The following NALCN variants were observed in gnomAD, a reference collection of about 807,000 sequenced individuals.
NALCN encodes the protein sodium leak channel NALCN.
A neutral mutation model predicts 225.3 loss-of-function variants in NALCN; 111 were observed. The observed-to-expected ratio is 0.49, with a 90% CI of 0.42 to 0.58. The LOEUF (loss-of-function observed/expected upper bound fraction) is 0.58, where lower values mean the gene tolerates loss of function less well. Ranked by LOEUF, NALCN falls within the 20% of genes least tolerant of loss-of-function variation. The probability of loss-of-function intolerance (pLI) is 0.00; values close to 1 mark genes in which losing one functional copy is unlikely to be tolerated. For missense variants in NALCN, 1,378 were observed against 2,202.4 expected (o/e 0.63, Z 7.49); for synonymous variants, 764 against 769.0 (o/e 0.99, Z 0.11).
At chr13:101,062,234 G>T in intron 40 of NALCN, 116 bp from the exon 41 acceptor site, 1 of 1,080,166 alleles carries the variant, frequency 9.3e-7, no homozygotes, top group Non-Finnish European at 1.3e-6. Context: ...GTGTTTTGAC[G>T]CCACCCCTCG....
intron 27 of NALCN, among the ~76,000 whole-genome samples, 168 bp from the exon 28 acceptor site, chr13:101,095,848 G>A (rs2034473609): frequency 6.6e-6 from 1 of 152,148 alleles, no homozygotes; most frequent in Non-Finnish European, 1.5e-5. Context: ...TTTGGAGACA[G>A]GCAGTTAAAA....
At chr13:101,381,320 A>G (rs1269953631) in intron 3 of NALCN, among the ~76,000 whole-genome samples, 1 of 152,176 alleles carries the variant, frequency 6.6e-6, no homozygotes, top group African/African-American at 2.4e-5. Flanking sequence ...CAAAGGTTAC[A>G]TATATAACAA....
chr13:101,307,389 C>T (rs2044188641), intron 7 of NALCN, among the ~76,000 whole-genome samples: 1 of 152,176 alleles, frequency 6.6e-6, no homozygotes, highest in South Asian at 2.1e-4. Flanking sequence ...CAGTTCTCCA[C>T]CAACACACTG....
intron 41 of NALCN, 108 bp from the exon 42 acceptor site, chr13:101,060,075 GGT>G (rs1491521489): frequency 4.9e-6 from 6 of 1,220,620 alleles, no homozygotes; most frequent in Non-Finnish European, 5.7e-6. Flanking sequence ...CTGCATGACG[GGT>G]GACCTCTTAG....
chr13:101,352,536 C>T (rs1276644697), intron 6 of NALCN, among the ~76,000 whole-genome samples: 1 of 152,044 alleles, frequency 6.6e-6, no homozygotes, highest in Non-Finnish European at 1.5e-5. Flanking sequence ...TAGTGAGATA[C>T]AAGGATTGTT....
At chr13:101,231,437 T>C (rs1166582607) in intron 12 of NALCN, among the ~76,000 whole-genome samples, 1 of 152,196 alleles carries the variant, frequency 6.6e-6, no homozygotes, top group African/African-American at 2.4e-5. Flanking sequence ...TTAGTATGTA[T>C]AAATTAGTAC....
intron 14 of NALCN, among the ~76,000 whole-genome samples, chr13:101,183,460 G>T (rs7337612): frequency 0.25 from 37,590 of 151,994 alleles, 5,408 homozygotes; most frequent in Non-Finnish European, 0.33. Context: ...TTTCTATTGA[G>T]TGATTGATTG....
intron 13 of NALCN, among the ~76,000 whole-genome samples, chr13:101,213,320 G>A (rs1180271817): frequency 6.6e-6 from 1 of 152,118 alleles, no homozygotes; most frequent in African/African-American, 2.4e-5. Flanking sequence ...AAACTTAAAT[G>A]TTAGACCTAA....
intron 7 of NALCN, among the ~76,000 whole-genome samples, chr13:101,321,005 T>C (rs1024025455): frequency 4.6e-5 from 7 of 152,188 alleles, no homozygotes; most frequent in African/African-American, 1.7e-4. Flanking sequence ...GACAATACCA[T>C]TCAATGATGC....
At chr13:101,165,020 G>A (rs908757268) in intron 15 of NALCN, among the ~76,000 whole-genome samples, 1 of 152,234 alleles carries the variant, frequency 6.6e-6, no homozygotes, top group African/African-American at 2.4e-5. Flanking sequence ...TTCAGGGTAC[G>A]GTCCTCTCGC....
chr13:101,070,207 C>T (rs549026381), intron 37 of NALCN, among the ~76,000 whole-genome samples: 2 of 152,036 alleles, frequency 1.3e-5, no homozygotes, highest in South Asian at 4.2e-4. Context: ...GCTGAGTCTA[C>T]AGGCGCCCAC....
intron 6 of NALCN, among the ~76,000 whole-genome samples, chr13:101,363,542 T>A (rs532076848): frequency 1.3e-5 from 2 of 152,236 alleles, no homozygotes; most frequent in Admixed American, 1.3e-4. Flanking sequence ...TGCAGAAGAA[T>A]AAAATTATGC....
chr13:101,266,942 A>C (rs1384613495), intron 10 of NALCN, among the ~76,000 whole-genome samples: 1 of 152,244 alleles, frequency 6.6e-6, no homozygotes, highest in South Asian at 2.1e-4. Flanking sequence ...CACTGAAAAC[A>C]TAACCAGTGG....
At chr13:101,395,934 T>C (rs190620946) in intron 2 of NALCN, among the ~76,000 whole-genome samples, 2 of 152,332 alleles carry the variant, frequency 1.3e-5, no homozygotes, top group East Asian at 3.9e-4. Context: ...GAATTTCCTT[T>C]CTATTTGTAT....
intron 17 of NALCN, among the ~76,000 whole-genome samples, chr13:101,130,308 G>T (rs2036454314): frequency 6.6e-6 from 1 of 151,996 alleles, no homozygotes; most frequent in Non-Finnish European, 1.5e-5. Flanking sequence ...TATCTTAAGG[G>T]TTTGCATATC....
rs911441668 is a variant in NALCN, at chr13:101,283,922, T to C, written c.1134+11A>G. 9 of 1,595,308 alleles carry C rather than the reference T, an allele frequency of 5.6e-6. 1 individual carries two copies. The highest frequency in any genetic ancestry group is 1.9e-5 in the Admixed American group (1 of 53,832). On this transcript the variant is annotated intron_variant, in intron 10 of 43. Coordinates refer to ENST00000251127, the MANE Select transcript of NALCN (RefSeq NM_052867.4). ...TGCTGGGCGATTTTTAAAAATGTCA[T>C]TGTACTGCACCTGGAGGCAGGCTGG...
At chr13:101,274,782 AT>A (rs571270711) in intron 10 of NALCN, among the ~76,000 whole-genome samples, 52 of 152,200 alleles carry the variant, frequency 3.4e-4, no homozygotes, top group African/African-American at 1.1e-3. Flanking sequence ...GTAATAGCCT[AT>A]TTTTTTAGCT....
At chr13:101,187,001 A>C (rs1386564840) in intron 14 of NALCN, among the ~76,000 whole-genome samples, 1 of 152,182 alleles carries the variant, frequency 6.6e-6, no homozygotes, top group African/African-American at 2.4e-5. Context: ...ATCATTCCAC[A>C]ATGTATGCAT....
chr13:101,146,569 G>C (rs189622199), intron 15 of NALCN, among the ~76,000 whole-genome samples: 35 of 152,302 alleles, frequency 2.3e-4, no homozygotes, highest in Admixed American at 3.3e-4. Flanking sequence ...CTTGTCAGTG[G>C]TAAATAGAGC....
Sources: allele counts gnomAD v4.1 joint callset (sites outside exome capture counted in the v4.1 genomes callset), GRCh38; gene constraint gnomAD v4.1.1; transcripts MANE v1.5; gene names NCBI Gene and HGNC (gene_info 2026-07-23, HGNC 2026-07-21).